KCNE1: variants seen among roughly 807,000 people sequenced by gnomAD.
The protein encoded by KCNE1 is potassium voltage-gated channel subfamily E member 1.
Under a neutral mutation model 2.9 loss-of-function variants are expected in KCNE1, and 1 was observed. The ratio of observed to expected loss-of-function variants is 0.34; its 90% CI spans 0.12 to 1.62. The LOEUF is 1.62. Among genes scored for constraint, KCNE1 ranks in the 40% most tolerant of loss-of-function variants. KCNE1 has a pLI of 0.36. For synonymous variants in KCNE1, 23 were observed against 65.4 expected (o/e 0.35, Z 3.13); for missense variants, 45 against 150.5 (o/e 0.30, Z 3.67).
intron 2 of KCNE1, among the ~76,000 whole-genome samples, chr21:34,499,556 TG>T (rs1983036701): frequency 6.6e-6 from 1 of 152,248 alleles, no homozygotes; most frequent in African/African-American, 2.4e-5. Flanking sequence ...GAGTCAGAGA[TG>T]GCTTCCCCGG....
intron 2 of KCNE1, among the ~76,000 whole-genome samples, chr21:34,507,172 C>T (rs578098959): frequency 6.6e-6 from 1 of 151,992 alleles, no homozygotes; most frequent in African/African-American, 2.4e-5. Context: ...GGAAGCTTTG[C>T]TTATAATAAA....
chr21:34,498,255 C>A (rs1256921075), intron 2 of KCNE1, among the ~76,000 whole-genome samples: 1 of 152,134 alleles, frequency 6.6e-6, no homozygotes, highest in Admixed American at 6.5e-5. Flanking sequence ...TGTTATAGAA[C>A]CTTGTTTTGT....
intron 2 of KCNE1, among the ~76,000 whole-genome samples, chr21:34,502,115 T>C (rs148516238): frequency 6.6e-6 from 1 of 152,314 alleles, no homozygotes; most frequent in Non-Finnish European, 1.5e-5. Flanking sequence ...ATACCTTGCC[T>C]TTTTTGGTCT....
chr21:34,506,642 T>C (rs1983505118), intron 2 of KCNE1, among the ~76,000 whole-genome samples: 1 of 152,200 alleles, frequency 6.6e-6, no homozygotes, highest in African/African-American at 2.4e-5. Context: ...AAGCAATACA[T>C]CTAATAAATA....
At chr21:34,502,532 T>C (rs528940031) in intron 2 of KCNE1, among the ~76,000 whole-genome samples, 65 of 152,360 alleles carry the variant, frequency 4.3e-4, no homozygotes, top group Non-Finnish European at 7.5e-4. Flanking sequence ...TGGACTTACG[T>C]TAGAGCCCTT....
In KCNE1 at chr21:34,507,362, A is replaced by T. The variant is rs41312967; in HGVS notation, c.-162+3739T>A. ...CACTGTGTGGACAGGCGTGCTCATC[A>T]TTGAGACCAGGAAGCTTGGAGGGGA... is the stretch of plus-strand genomic sequence containing the variant. On this transcript the variant is annotated intron_variant, in intron 2 of 3. Coordinates refer to ENST00000399286, the MANE Select transcript of KCNE1 (RefSeq NM_000219.6). Among the ~76,000 whole-genome samples, 729 of 152,264 alleles carry T rather than the reference A, an allele frequency of 4.8e-3. 10 individuals carry two copies. The highest frequency in any genetic ancestry group is 0.017 in the African/African-American group (692 of 41,548).
At chr21:34,500,456 T>C (rs944527462) in intron 2 of KCNE1, among the ~76,000 whole-genome samples, 7 of 152,266 alleles carry the variant, frequency 4.6e-5, no homozygotes, top group African/African-American at 1.7e-4. Context: ...CTCATTTCTT[T>C]GTGTGTACAA....
At chr21:34,508,909 G>T (rs1256827877) in intron 2 of KCNE1, among the ~76,000 whole-genome samples, 3 of 152,202 alleles carry the variant, frequency 2.0e-5, no homozygotes, top group African/African-American at 7.2e-5. Flanking sequence ...GCTGAGAAAA[G>T]ATTTAAATTG....
At chr21:34,501,789 C>T (rs1983184219) in intron 2 of KCNE1, among the ~76,000 whole-genome samples, 1 of 152,168 alleles carries the variant, frequency 6.6e-6, no homozygotes, top group African/African-American at 2.4e-5. Flanking sequence ...ATGATCTCAC[C>T]CCTAGCAGGC....
At position 34,500,006 on chromosome 21, in the gene KCNE1, G is replaced by A. The variant is rs116496071; in HGVS notation, c.-162+11095C>T. Among the ~76,000 whole-genome samples the A allele has an allele frequency of 5.4e-3, 824 of 152,200 alleles. 7 individuals carry two copies. Among genetic ancestry groups the A allele is most frequent in the African/African-American group, 0.018 (736 of 41,524 alleles). On this transcript the variant is annotated intron_variant, in intron 2 of 3. Coordinates refer to ENST00000399286, the MANE Select transcript of KCNE1 (RefSeq NM_000219.6). Reference sequence around the variant, plus strand: ...TATTTTTATTTTTTATAGAGACAAGGTCTCACAATGTTGCCCAGGTTGGTC... The same window carrying A: ...TATTTTTATTTTTTATAGAGACAAGATCTCACAATGTTGCCCAGGTTGGTC...
At chr21:34,504,482 C>T (rs372185992) in intron 2 of KCNE1, among the ~76,000 whole-genome samples, 35 of 152,268 alleles carry the variant, frequency 2.3e-4, no homozygotes, top group African/African-American at 6.3e-4. Flanking sequence ...CAATGTAAAA[C>T]GGTACAGCTG....
At chr21:34,501,496 T>A (rs538523915) in intron 2 of KCNE1, among the ~76,000 whole-genome samples, 1 of 152,320 alleles carries the variant, frequency 6.6e-6, no homozygotes, top group East Asian at 1.9e-4. Context: ...AGCATTGCTA[T>A]TATTTTAGAA....
At chr21:34,506,943 C>G (rs1464948122) in intron 2 of KCNE1, among the ~76,000 whole-genome samples, 3 of 152,236 alleles carry the variant, frequency 2.0e-5, no homozygotes, top group African/African-American at 7.2e-5. Context: ...AGGAAAGCAT[C>G]GAAGGTGAAG....
chr21:34,499,440 A>G (rs1216978448), intron 2 of KCNE1, among the ~76,000 whole-genome samples: 1 of 152,124 alleles, frequency 6.6e-6, no homozygotes, highest in African/African-American at 2.4e-5. Flanking sequence ...GTTCAAGAGA[A>G]TTTGCACCCA....
At position 34,449,337 on chromosome 21, in the gene KCNE1, G is replaced by A. The variant is rs140643047; in HGVS notation, c.298C>T (p.Leu100=). ...KDKAYVQARV[L]ESYRSCYVVE... ...ACATAGCACGACCTGTAGCTCTCCA[G>A]GACCCGGGCCTGGACATAGGCCTTG... Residue 100 remains leucine, a synonymous_variant, in exon 4 of 4, where the codon CTG becomes TTG. Transcript: ENST00000399286. The A allele has an allele frequency of 3.2e-6, 5 of 1,577,672 alleles. No individual in the cohort carries two copies. The African/African-American group carries it at 5.6e-5, about 18-fold the overall frequency.
chr21:34,496,838 G>A (rs949227578), intron 2 of KCNE1, among the ~76,000 whole-genome samples: 47 of 152,252 alleles, frequency 3.1e-4, no homozygotes, highest in African/African-American at 1.1e-3. Context: ...AAATTTGAGA[G>A]CTCCAGTGTT....
rs376770385 is a variant in KCNE1 at position 34,505,444 on chromosome 21, AC to A, written c.-162+5656del. Among the ~76,000 whole-genome samples, 509 of 147,472 alleles carry A rather than the reference AC, an allele frequency of 3.5e-3. 3 individuals are homozygous for A. Among genetic ancestry groups the A allele is most frequent in the African/African-American group, 0.012 (480 of 40,456 alleles). ...GCCACCACGCCTGACCACCTTGATC[AC>A]CTTTTTTTTTTTGGAAAGCAATGAG... On this transcript the variant is annotated intron_variant, in intron 2 of 3. Coordinates refer to ENST00000399286, the MANE Select transcript of KCNE1 (RefSeq NM_000219.6).
chr21:34,498,004 C>G (rs1195866496), intron 2 of KCNE1, among the ~76,000 whole-genome samples: 2 of 151,944 alleles, frequency 1.3e-5, no homozygotes, highest in Non-Finnish European at 2.9e-5. Flanking sequence ...TTTTATCTTT[C>G]TCTAAGTGTG....
intron 2 of KCNE1, 178 bp downstream of exon 2, chr21:34,510,923 G>C (rs1983806855): frequency 6.4e-6 from 1 of 155,216 alleles, no homozygotes; most frequent in African/African-American, 2.4e-5. Context: ...CCCCTGGGAG[G>C]GTGGGGGCAG....
Sources: gnomAD v4.1 joint callset for allele counts (sites outside exome capture counted in the v4.1 genomes callset) on GRCh38, gnomAD v4.1.1 for gene constraint, MANE v1.5 for transcripts, NCBI Gene and HGNC (gene_info 2026-07-23, HGNC 2026-07-21) for gene names.